RNF217: variants seen among roughly 807,000 people sequenced by gnomAD.
RNF217 encodes ring finger protein 217, also known as E3 ubiquitin-protein ligase RNF217.
A neutral mutation model predicts 57.8 loss-of-function variants in RNF217; 31 were observed. That is an observed-to-expected ratio of 0.54 (90% CI 0.40 to 0.72). RNF217 has a LOEUF of 0.72. Among genes scored for constraint, RNF217 ranks in the 30% least tolerant of loss-of-function variants. RNF217 has a pLI of 0.00. For missense variants in RNF217, 696 were observed against 708.3 expected (o/e 0.98, Z 0.20); for synonymous variants, 313 against 294.0 (o/e 1.06, Z -0.66).
chr6:125,066,466 C>T (rs376532573), intron 3 of RNF217, among the ~76,000 whole-genome samples: 47 of 152,240 alleles, frequency 3.1e-4, no homozygotes, highest in African/African-American at 1.1e-3. Flanking sequence ...GGTATTCTCC[C>T]TTCTCAGGAT....
intron 1 of RNF217, among the ~76,000 whole-genome samples, chr6:125,019,025 G>C (rs1785722782): frequency 6.6e-6 from 1 of 152,116 alleles, no homozygotes; most frequent in African/African-American, 2.4e-5. Context: ...CCAAGGAAAA[G>C]ATCCTAGGTT....
intron 5 of RNF217, among the ~76,000 whole-genome samples, chr6:125,081,876 G>A (rs1788588867): frequency 6.6e-6 from 1 of 152,074 alleles, no homozygotes; most frequent in Admixed American, 6.6e-5. Flanking sequence ...TGCACCTTAT[G>A]TGTTTCATTT....
intron 1 of RNF217, among the ~76,000 whole-genome samples, chr6:124,968,744 C>T (rs1223431207): frequency 1.3e-5 from 2 of 152,138 alleles, no homozygotes; most frequent in Non-Finnish European, 2.9e-5. Flanking sequence ...AGCTTTTATA[C>T]CTGAAGGCTC....
intron 3 of RNF217, among the ~76,000 whole-genome samples, chr6:125,061,926 A>G (rs1768654447): frequency 6.6e-6 from 1 of 152,008 alleles, no homozygotes; most frequent in African/African-American, 2.4e-5. Flanking sequence ...TGCATTGGGT[A>G]CCTGAAGTAA....
rs1259439632 is a variant in RNF217 at position 125,086,851 on chromosome 6, T to C, written c.*3914T>C. 6.6e-6 allele frequency: 1 copy of C among 152,098 alleles called. No individual in the cohort carries two copies. Among genetic ancestry groups the C allele is most frequent in the Non-Finnish European group, 1.5e-5 (1 of 67,982 alleles). The allele number at this position is 152,098 out of a possible 1,614,324, so 9.4% of individuals were successfully genotyped here. A position where few individuals can be genotyped will look rare whatever the true frequency, so the allele number is the denominator to read the frequency against. ...CAGTGGTGCTTGTCAGAAAATACCT[T>C]GTTCTGTGACTCTGACTATCTCTTG... On this transcript the variant is annotated 3_prime_UTR_variant, in exon 6 of 6. Transcript: ENST00000521654.
intron 1 of RNF217, among the ~76,000 whole-genome samples, chr6:125,034,068 T>C (rs1319112048): frequency 6.6e-6 from 1 of 152,054 alleles, no homozygotes. Context: ...TAAATTTGTT[T>C]GAGTTCATTG....
At chr6:124,975,570 A>G (rs1783925845) in intron 1 of RNF217, among the ~76,000 whole-genome samples, 1 of 152,092 alleles carries the variant, frequency 6.6e-6, no homozygotes, top group Non-Finnish European at 1.5e-5. Context: ...AGCTGGGACT[A>G]TAGGCGTGCA....
At chr6:125,003,640 T>G (rs950273932) in intron 1 of RNF217, among the ~76,000 whole-genome samples, 1 of 152,198 alleles carries the variant, frequency 6.6e-6, no homozygotes, top group African/African-American at 2.4e-5. Flanking sequence ...TTAATTAGCT[T>G]GATTTAATCA....
At chr6:125,061,761 T>A (rs998017908) in intron 3 of RNF217, among the ~76,000 whole-genome samples, 1 of 152,126 alleles carries the variant, frequency 6.6e-6, no homozygotes, top group South Asian at 2.1e-4. Flanking sequence ...TATTTTTATA[T>A]ATTTACATAT....
At chr6:125,043,476 C>G (rs767853299) in intron 1 of RNF217, among the ~76,000 whole-genome samples, 3 of 151,998 alleles carry the variant, frequency 2.0e-5, no homozygotes, top group Non-Finnish European at 4.4e-5. Context: ...TGACATGTTC[C>G]TGCAAAGCTT....
chr6:124,986,192 G>A (rs943820383), intron 1 of RNF217, among the ~76,000 whole-genome samples: 2 of 152,126 alleles, frequency 1.3e-5, no homozygotes, highest in Non-Finnish European at 2.9e-5. Flanking sequence ...TCTCTGCCAG[G>A]CTGGCATTAG....
intron 1 of RNF217, among the ~76,000 whole-genome samples, chr6:124,992,184 A>G (rs1172030451): frequency 6.6e-6 from 1 of 152,194 alleles, no homozygotes; most frequent in African/African-American, 2.4e-5. Flanking sequence ...AGGCTGTAGA[A>G]TGCTCTAAAA....
intron 1 of RNF217, among the ~76,000 whole-genome samples, chr6:125,044,894 C>T (rs1257758837): frequency 6.6e-6 from 1 of 152,022 alleles, no homozygotes; most frequent in Non-Finnish European, 1.5e-5. Context: ...GCTGTCTAAC[C>T]CTGCAGTTTC....
chr6:125,090,400 T>G lies in RNF217; in HGVS notation c.*7463T>G, dbSNP rs986474806. On this transcript the variant is annotated 3_prime_UTR_variant, in exon 6 of 6. Transcript: ENST00000521654. ...ATTTTAAACAAAATTGTAAGGCAAT[T>G]TTATGAAACAAACATTTATATCAAT... The G allele has an allele frequency of 1.3e-5, 2 of 152,012 alleles. No homozygotes were observed. The highest frequency in any genetic ancestry group is 2.9e-5 in the Non-Finnish European group (2 of 67,912). 9.4% of individuals were successfully genotyped at this position (152,012 alleles called of 1,614,324 possible).
At chr6:125,072,325 T>G (rs935544932) in intron 3 of RNF217, among the ~76,000 whole-genome samples, 1 of 152,130 alleles carries the variant, frequency 6.6e-6, no homozygotes, top group Non-Finnish European at 1.5e-5. Context: ...ATGAAACAAT[T>G]TTTTCCGTGA....
intron 3 of RNF217, among the ~76,000 whole-genome samples, chr6:125,059,412 G>A (rs1243801636): frequency 1.3e-5 from 2 of 151,884 alleles, no homozygotes; most frequent in African/African-American, 4.8e-5. Context: ...CCTTTCTCTT[G>A]CCTTTTTAGT....
rs1429225884 is a variant in RNF217 at position 124,962,878 on chromosome 6, G to A, written c.334G>A (p.Glu112Lys). 1 of 1,598,136 alleles carries A rather than the reference G, an allele frequency of 6.3e-7. No individual in the cohort carries two copies. Among genetic ancestry groups the A allele is most frequent in the Non-Finnish European group, 8.5e-7 (1 of 1,179,684 alleles). The change falls in exon 1 of 6, where the codon GAG (glutamate) becomes AAG (lysine). Residue 112 changes from glutamate (E) to lysine (K), a missense_variant. Around this residue, in one of 2 missense-constraint regions of RNF217, gnomAD observed 465 missense variants for 386.8 expected, o/e 1.20. Coordinates refer to ENST00000521654, the MANE Select transcript of RNF217 (RefSeq NM_001286398.3). This position sits in a 1 kb window ranked among gnomAD's most constrained non-coding sequence, Gnocchi z 4.6. ...PLQLELEEEEEEAGDRKEGGD... is the reference protein window; with the variant it reads ...PLQLELEEEEKEAGDRKEGGD... ...GCAGTTGGAGCTGGAGGAGGAAGAG[G>A]AGGAAGCTGGGGATCGAAAAGAGGG...
chr6:125,054,346 G>A lies in RNF217; in HGVS notation c.1117-3596G>A, dbSNP rs144843351. On this transcript the variant is annotated intron_variant, in intron 2 of 5. Transcript: ENST00000521654. ...GGTTTAGTCTAAGGCTCCATGGGGA[G>A]CAGGAAGGGCAGGAAAATACTCTCT... Among the ~76,000 whole-genome samples the A allele has an allele frequency of 5.5e-3, 842 of 152,302 alleles. 8 individuals carry two copies. Among genetic ancestry groups the A allele is most frequent in the African/African-American group, 0.019 (809 of 41,572 alleles).
At chr6:125,080,092 A>T (rs992446667) in intron 4 of RNF217, among the ~76,000 whole-genome samples, 10 of 152,090 alleles carry the variant, frequency 6.6e-5, no homozygotes, top group Non-Finnish European at 1.5e-4. Flanking sequence ...ATAATTATTT[A>T]AAAAGGAAAT....
Sources: allele counts gnomAD v4.1 joint callset (sites outside exome capture counted in the v4.1 genomes callset), GRCh38; gene constraint gnomAD v4.1.1; regional missense constraint gnomAD v4.1.1; non-coding constraint Gnocchi (gnomAD v3.1); transcripts MANE v1.5; gene names NCBI Gene and HGNC (gene_info 2026-07-23, HGNC 2026-07-21).